The following PPP2R2C variants were observed in gnomAD, a reference collection of about 807,000 sequenced individuals.
PPP2R2C encodes the protein protein phosphatase 2 regulatory subunit Bgamma, also known as protein phosphatase 2, regulatory subunit B, gamma.
In PPP2R2C, 10 loss-of-function variants were observed where a neutral mutation model predicts 45.3. The ratio of observed to expected loss-of-function variants is 0.22; its 90% CI spans 0.14 to 0.37. The LOEUF is 0.37. Among genes scored for constraint, PPP2R2C ranks in the 10% least tolerant of loss-of-function variants. The pLI is 1.00. For missense variants in PPP2R2C, 308 were observed against 619.7 expected, an observed-to-expected ratio of 0.50 and a Z score of 5.34; for synonymous variants, 257 against 245.4, an observed-to-expected ratio of 1.05 and a Z score of -0.44.
chr4:6,492,238 C>T (rs1354100179), intron 2 of PPP2R2C, among the ~76,000 whole-genome samples: 2 of 152,218 alleles, frequency 1.3e-5, no homozygotes, highest in Non-Finnish European at 2.9e-5. Context: ...ACATGTCCCA[C>T]AGTGCCTTGG....
intron 1 of PPP2R2C, among the ~76,000 whole-genome samples, chr4:6,459,111 G>C (rs999163740): frequency 6.6e-6 from 1 of 152,138 alleles, no homozygotes; most frequent in Non-Finnish European, 1.5e-5. Context: ...CCATTTATTT[G>C]GTTCATGAAT....
intron 1 of PPP2R2C, among the ~76,000 whole-genome samples, chr4:6,437,496 G>A (rs561044485): frequency 6.6e-6 from 1 of 152,312 alleles, no homozygotes; most frequent in South Asian, 2.1e-4. Flanking sequence ...GGAAGTTAGG[G>A]ACAGAGCTCT....
chr4:6,414,624 C>T (rs563876186), intron 1 of PPP2R2C, among the ~76,000 whole-genome samples: 2 of 151,742 alleles, frequency 1.3e-5, no homozygotes, highest in South Asian at 2.1e-4. Flanking sequence ...CAGGGGGTTC[C>T]TCCTGGTATA....
intron 1 of PPP2R2C, among the ~76,000 whole-genome samples, chr4:6,421,612 A>G (rs1410405604): frequency 1.3e-5 from 2 of 152,132 alleles, no homozygotes; most frequent in South Asian, 2.1e-4. Flanking sequence ...CAGATGGACC[A>G]CAAGACGATA....
intron 1 of PPP2R2C, among the ~76,000 whole-genome samples, chr4:6,402,950 A>G (rs1433754350): frequency 6.6e-6 from 1 of 152,236 alleles, no homozygotes; most frequent in Non-Finnish European, 1.5e-5. Flanking sequence ...GCCTGCCAAG[A>G]AAGACCAATG....
At chr4:6,423,308 A>G (rs9999781) in intron 1 of PPP2R2C, among the ~76,000 whole-genome samples, 107,768 of 152,092 alleles carry the variant, frequency 0.71, 39,129 homozygotes, top group Non-Finnish European at 0.79. Context: ...GATTCAAGCA[A>G]TTCTCCTGCC....
At position 6,329,201 on chromosome 4, in the gene PPP2R2C, C is replaced by T. The variant is rs926676843; in HGVS notation, c.1052+61G>A. The T allele has an allele frequency of 1.3e-6, 2 of 1,510,968 alleles. No individual in the cohort carries two copies. Among genetic ancestry groups the T allele is most frequent in the South Asian group, 2.3e-5 (2 of 86,750 alleles). The allele number at this position is 1,510,968 out of a possible 1,614,324, so 93.6% of individuals were successfully genotyped here. A position where few individuals can be genotyped will look rare whatever the true frequency, so the allele number is the denominator to read the frequency against. ...GGGTCACCGGAATCCCAGCCCAGAC[C>T]CCTGCAGGGCAGAAACCCTCCCTAC... On this transcript the variant is annotated intron_variant, in intron 8 of 8. Transcript: ENST00000382599. The surrounding 1 kb of genome is among the most constrained non-coding windows in gnomAD (Gnocchi z 5.8).
intron 1 of PPP2R2C, among the ~76,000 whole-genome samples, chr4:6,425,921 T>C (rs1008505875): frequency 3.6e-4 from 54 of 152,002 alleles, no homozygotes; most frequent in Non-Finnish European, 1.3e-4. Context: ...CGTGCATGCA[T>C]GTGCATGTGT....
At chr4:6,420,736 G>A (rs955808482) in intron 1 of PPP2R2C, among the ~76,000 whole-genome samples, 10 of 152,148 alleles carry the variant, frequency 6.6e-5, no homozygotes, top group African/African-American at 2.2e-4. Context: ...CCCAGTAAGA[G>A]GACTGGTTAA....
intron 2 of PPP2R2C, among the ~76,000 whole-genome samples, chr4:6,509,833 G>A (rs552028645): frequency 6.4e-4 from 98 of 152,274 alleles, no homozygotes; most frequent in South Asian, 5.4e-3. Flanking sequence ...CCACCTTCCT[G>A]GGCTGTCACA....
At chr4:6,382,669 T>TCA (rs1715916053) in intron 1 of PPP2R2C, 1 of 167,394 alleles carries the variant, frequency 6.0e-6, no homozygotes, top group African/African-American at 4.5e-5. Flanking sequence ...TCTCTCTCTC[T>TCA]CTCTCTCACA....
At chr4:6,371,929 G>T (rs1714860305) in intron 5 of PPP2R2C, among the ~76,000 whole-genome samples, 1 of 152,136 alleles carries the variant, frequency 6.6e-6, no homozygotes, top group Non-Finnish European at 1.5e-5. Flanking sequence ...CCTGCCTGCA[G>T]GCTGGTGCTC....
chr4:6,413,766 C>A, intron 1 of PPP2R2C: 1 of 1,131,562 alleles, frequency 8.8e-7, no homozygotes, highest in South Asian at 1.6e-5. Flanking sequence ...CAGCTGGGGT[C>A]ACTGAGACTC....
Position 6,345,337 on chromosome 4 carries a change from C to T in PPP2R2C, c.790+2509G>A, listed in dbSNP as rs749885694. ...TGGGGGGGCAGTGTCCTGTAGTAGG[C>T]GGTGGAACGGCCCCCAGAGACGGCT... On this transcript the variant is annotated intron_variant, in intron 6 of 8. Transcript: ENST00000382599. This position sits in a 1 kb window ranked among gnomAD's most constrained non-coding sequence, Gnocchi z 5.3. Among the ~76,000 whole-genome samples, 8 of 152,124 alleles carry T rather than the reference C, an allele frequency of 5.3e-5. No individual in the cohort carries two copies. The highest frequency in any genetic ancestry group is 2.1e-4 in the South Asian group (1 of 4,816).
intron 6 of PPP2R2C, among the ~76,000 whole-genome samples, chr4:6,342,752 C>T (rs569259823): frequency 6.6e-6 from 1 of 152,354 alleles, no homozygotes; most frequent in African/African-American, 2.4e-5. Flanking sequence ...CAAGCAGTCA[C>T]AAGACGCGGA....
chr4:6,395,509 G>A (rs16838718), intron 1 of PPP2R2C, among the ~76,000 whole-genome samples: 13,202 of 152,162 alleles, frequency 0.087, 990 homozygotes, highest in African/African-American at 0.21. Flanking sequence ...TCCGTGTCTC[G>A]GTCTCTGGAG....
intron 4 of PPP2R2C, among the ~76,000 whole-genome samples, chr4:6,375,302 T>C (rs899667201): frequency 1.3e-5 from 2 of 152,246 alleles, no homozygotes; most frequent in Non-Finnish European, 2.9e-5. Context: ...GGCGGCTCAC[T>C]GGATGCTGGG....
intron 3 of PPP2R2C, among the ~76,000 whole-genome samples, chr4:6,377,237 G>A (rs749818924): frequency 1.6e-4 from 24 of 152,202 alleles, no homozygotes; most frequent in Non-Finnish European, 2.9e-4. Flanking sequence ...CTTGTGCAGC[G>A]GTTACTGTTC....
chr4:6,542,906 G>T (rs1230821678), intron 1 of PPP2R2C, among the ~76,000 whole-genome samples: 1 of 152,178 alleles, frequency 6.6e-6, no homozygotes, highest in Non-Finnish European at 1.5e-5. Flanking sequence ...CAGGATTCAT[G>T]TGCAGAATAT....
Sources: allele counts gnomAD v4.1 joint callset (sites outside exome capture counted in the v4.1 genomes callset), GRCh38; gene constraint gnomAD v4.1.1; non-coding constraint Gnocchi (gnomAD v3.1); transcripts MANE v1.5; gene names NCBI Gene and HGNC (gene_info 2026-07-23, HGNC 2026-07-21).